Variants in ZNF438 observed in about 807,000 individuals in gnomAD.
ZNF438 encodes the protein zinc finger protein 438.
ZNF438 carries 25 observed loss-of-function variants against 38.0 expected under a neutral mutation model. The observed-to-expected ratio is 0.66, with a 90% CI of 0.48 to 0.92. ZNF438 has a LOEUF of 0.92. Among genes scored for constraint, ZNF438 ranks in the 40% least tolerant of loss-of-function variants. ZNF438 has a pLI of 0.00. For missense variants in ZNF438, 1,007 were observed against 999.6 expected (o/e 1.01, Z -0.10); for synonymous variants, 372 against 364.1 (o/e 1.02, Z -0.25).
chr10:31,017,031 C>T lies in ZNF438; in HGVS notation c.-192+14802G>A, dbSNP rs145220165. Among the ~76,000 whole-genome samples, 38 of 152,342 alleles carry T rather than the reference C, an allele frequency of 2.5e-4. 3 individuals are homozygous for T. In the East Asian group the frequency reaches 7.1e-3, roughly 29 times the overall value. ...CCTAGTCCAGCGGCTCGCAAACTAA[C>T]AAAAGAGTATAACCTCTGCTCTCCA... On this transcript the variant is annotated intron_variant, in intron 1 of 5. Coordinates refer to ENST00000413025, the Ensembl canonical transcript of ZNF438.
rs549446258 is a variant in ZNF438 at position 30,892,531 on chromosome 10, C to CT, written c.-31-15467dup. On this transcript the variant is annotated intron_variant, in intron 3 of 5. Transcript: ENST00000413025. ...CTTACATTGCTACAGTCTTCAAAAA[C>CT]TTTTTTTTAACATTCTGTTTGTATA... 2.5e-3 allele frequency among the ~76,000 whole-genome samples: 372 copies of CT among 151,270 alleles called. 1 individual carries two copies. The highest frequency in any genetic ancestry group is 8.5e-3 in the African/African-American group (350 of 41,226).
At chr10:30,952,225 C>A in intron 1 of ZNF438, among the ~76,000 whole-genome samples, 1 of 150,598 alleles carries the variant, frequency 6.6e-6, no homozygotes, top group Non-Finnish European at 1.5e-5. Context: ...TGGATCCCTT[C>A]CTTACACCTT....
chr10:30,967,359 A>C (rs1235596880), intron 1 of ZNF438, among the ~76,000 whole-genome samples: 1 of 152,242 alleles, frequency 6.6e-6, no homozygotes. Flanking sequence ...AAAAGCAGAA[A>C]TATTGTAGTT....
At chr10:30,952,570 C>A (rs1369509240) in intron 1 of ZNF438, among the ~76,000 whole-genome samples, 7 of 142,306 alleles carry the variant, frequency 4.9e-5, no homozygotes, top group African/African-American at 1.8e-4. Context: ...AAACAAACAA[C>A]CCCATCAAAA....
At chr10:30,952,124 A>C (rs1315590623) in intron 1 of ZNF438, among the ~76,000 whole-genome samples, 2 of 151,572 alleles carry the variant, frequency 1.3e-5, no homozygotes, top group African/African-American at 4.8e-5. Flanking sequence ...GATCTTTGAC[A>C]AACCTGACAA....
chr10:30,982,156 C>T (rs2052265817), intron 1 of ZNF438, among the ~76,000 whole-genome samples: 1 of 148,636 alleles, frequency 6.7e-6, no homozygotes, highest in Non-Finnish European at 1.5e-5. Context: ...GGCTGGAGTA[C>T]AGTGGCGCGA....
chr10:30,916,752 C>G (rs2043682204), intron 2 of ZNF438, among the ~76,000 whole-genome samples: 1 of 152,012 alleles, frequency 6.6e-6, no homozygotes, highest in Non-Finnish European at 1.5e-5. Flanking sequence ...TTGTTCCCAG[C>G]TTTCTGGAAC....
At chr10:30,980,437 G>T (rs2051994426) in intron 1 of ZNF438, among the ~76,000 whole-genome samples, 1 of 152,090 alleles carries the variant, frequency 6.6e-6, no homozygotes, top group African/African-American at 2.4e-5. Context: ...CATTTTGAAA[G>T]GCAGGCATAT....
intron 1 of ZNF438, among the ~76,000 whole-genome samples, chr10:30,970,145 TATACACACACAC>T: frequency 7.2e-6 from 1 of 139,726 alleles, no homozygotes; most frequent in South Asian, 2.3e-4. Flanking sequence ...CACACACACA[TATACACACACAC>T]ACATATATTA....
chr10:31,021,783 T>C (rs2056612744), intron 1 of ZNF438, among the ~76,000 whole-genome samples: 1 of 152,100 alleles, frequency 6.6e-6, no homozygotes, highest in African/African-American at 2.4e-5. Flanking sequence ...TACACCACAA[T>C]ACAGTGGTGG....
At chr10:31,003,571 A>C (rs1052741865) in intron 1 of ZNF438, among the ~76,000 whole-genome samples, 2 of 152,186 alleles carry the variant, frequency 1.3e-5, no homozygotes, top group African/African-American at 4.8e-5. Flanking sequence ...CTCTGATACT[A>C]ACCTCATGAA....
chr10:30,925,791 G>A (rs534434208), intron 2 of ZNF438, among the ~76,000 whole-genome samples: 12 of 152,176 alleles, frequency 7.9e-5, no homozygotes, highest in Non-Finnish European at 1.5e-4. Context: ...CCACATTATG[G>A]AAGGTCACCA....
Position 30,994,568 on chromosome 10 carries a change from G to A in ZNF438, c.-192+37265C>T, listed in dbSNP as rs980046531. 1.1e-4 allele frequency among the ~76,000 whole-genome samples: 16 copies of A among 152,138 alleles called. No homozygotes were observed. The East Asian group carries it at 1.3e-3, about 13-fold the overall frequency. ...TGTAGAGAATTCCCACCAGCAAGAA[G>A]GCCCTCACCAGAGGCTCGCACCATG... On this transcript the variant is annotated intron_variant, in intron 1 of 5. Coordinates refer to ENST00000413025, the Ensembl canonical transcript of ZNF438.
intron 5 of ZNF438, 122 bp from the exon 7 acceptor site, chr10:30,845,695 G>T (rs2031853544): frequency 1.6e-6 from 2 of 1,216,614 alleles, no homozygotes; most frequent in Non-Finnish European, 2.2e-6. Flanking sequence ...CAAGGGCTGG[G>T]GTAAACAGAG....
At chr10:30,844,733 A>C (rs1288065660) in exon 6 of ZNF438, 2 of 494,366 alleles carry the variant, frequency 4.0e-6, no homozygotes, top group Non-Finnish European at 3.5e-6. Flanking sequence ...TAAGATATTA[A>C]GAATCAGTAC....
chr10:30,893,691 A>G (rs2040987134), intron 3 of ZNF438, among the ~76,000 whole-genome samples: 1 of 152,140 alleles, frequency 6.6e-6, no homozygotes, highest in Admixed American at 6.5e-5. Context: ...ATGTGAACCC[A>G]ATTAACCCAA....
At chr10:30,914,929 T>C (rs1268330936) in intron 2 of ZNF438, among the ~76,000 whole-genome samples, 4 of 152,060 alleles carry the variant, frequency 2.6e-5, no homozygotes, top group Non-Finnish European at 5.9e-5. Context: ...ATGCCTACTT[T>C]GGTACTTTGA....
intron 2 of ZNF438, among the ~76,000 whole-genome samples, chr10:30,924,365 T>C (rs1393762682): frequency 2.6e-5 from 4 of 152,184 alleles, no homozygotes; most frequent in Non-Finnish European, 5.9e-5. Context: ...GGAAGAAATG[T>C]AACGATGTGT....
At chr10:31,025,907 A>T (rs2056905911) in intron 1 of ZNF438, among the ~76,000 whole-genome samples, 1 of 152,194 alleles carries the variant, frequency 6.6e-6, no homozygotes, top group Non-Finnish European at 1.5e-5. Context: ...TACTACTACA[A>T]ATATATATGA....
Sources: gnomAD v4.1 joint callset for allele counts (sites outside exome capture counted in the v4.1 genomes callset) on GRCh38, gnomAD v4.1.1 for gene constraint, MANE v1.5 for transcripts, NCBI Gene and HGNC (gene_info 2026-07-23, HGNC 2026-07-21) for gene names.